The following NUCB2 variants were observed in gnomAD, a reference collection of about 807,000 sequenced individuals.
The protein encoded by NUCB2 is nucleobindin-2.
In NUCB2, 48 loss-of-function variants were observed where a neutral mutation model predicts 57.9. The observed-to-expected ratio is 0.83, with a 90% CI of 0.66 to 1.05. The LOEUF is 1.05. Ranked by LOEUF, NUCB2 falls within the 50% of genes least tolerant of loss-of-function variation. The pLI is 0.00. For synonymous variants in NUCB2, 139 were observed against 152.1 expected (o/e 0.91, Z 0.64); for missense variants, 442 against 476.2 (o/e 0.93, Z 0.67).
chr11:17,310,477 A>G (rs899729734), intron 6 of NUCB2, among the ~76,000 whole-genome samples: 1 of 152,090 alleles, frequency 6.6e-6, no homozygotes, highest in African/African-American at 2.4e-5. Context: ...TCTGTACTTA[A>G]AATACAAATA....
At chr11:17,277,692 G>C (rs1438091294) in intron 1 of NUCB2, among the ~76,000 whole-genome samples, 1 of 152,168 alleles carries the variant, frequency 6.6e-6, no homozygotes, top group Admixed American at 6.5e-5. Context: ...ATCCGTGGAC[G>C]AATATGAACA....
chr11:17,324,794 A>G (rs1318880790), intron 11 of NUCB2, among the ~76,000 whole-genome samples: 1 of 148,178 alleles, frequency 6.7e-6, no homozygotes, highest in Non-Finnish European at 1.5e-5. Flanking sequence ...TTATTTATTT[A>G]TTTATTTATT....
intron 2 of NUCB2, chr11:17,291,273 A>T (rs531857575): frequency 6.6e-6 from 1 of 152,356 alleles, no homozygotes; most frequent in Non-Finnish European, 1.5e-5. Flanking sequence ...TTGGCCGGGC[A>T]CGGTGGCTCA....
At chr11:17,335,045 T>C (rs1285586200), downstream of NUCB2, among the ~76,000 whole-genome samples, 1 of 152,070 alleles carries the variant, frequency 6.6e-6, no homozygotes, top group African/African-American at 2.4e-5. Context: ...AATATAGCAG[T>C]TTAGAAAAGT....
chr11:17,339,763 T>G (rs1173320712), intron 2 of NUCB2, among the ~76,000 whole-genome samples: 1 of 152,066 alleles, frequency 6.6e-6, no homozygotes, highest in African/African-American at 2.4e-5. Flanking sequence ...TGTTGGACAT[T>G]TGGGTTGGTT....
downstream of NUCB2, among the ~76,000 whole-genome samples, chr11:17,336,963 T>A (rs1951866990): frequency 6.6e-6 from 1 of 151,834 alleles, no homozygotes; most frequent in Admixed American, 6.6e-5. Flanking sequence ...CTTTTAGAGA[T>A]GGGGTCTCTC....
Position 17,296,267 on chromosome 11 carries a change from G to A in NUCB2, c.252+56G>A. 4 of 1,095,050 alleles carry A rather than the reference G, an allele frequency of 3.7e-6. No individual in the cohort carries two copies. The South Asian group carries it at 6.4e-5, about 18-fold the overall frequency. The allele number at this position is 1,095,050 out of a possible 1,614,324, so 67.8% of individuals were successfully genotyped here. A position where few individuals can be genotyped will look rare whatever the true frequency, so the allele number is the denominator to read the frequency against. On this transcript the variant is annotated intron_variant, in intron 4 of 13. Transcript: ENST00000529010. ...TGTATCTTAATTTAAAATTTTTTTAGAGATGAGGTCTCACCATATAACCCA... is the reference window on the plus strand; with the variant it reads ...TGTATCTTAATTTAAAATTTTTTTAAAGATGAGGTCTCACCATATAACCCA...
Position 17,302,431 on chromosome 11 carries a change from ATAATAT to A in NUCB2, c.379+565_379+570del, listed in dbSNP as rs1199303151. 8.5e-5 allele frequency among the ~76,000 whole-genome samples: 13 copies of A among 152,316 alleles called. No individual in the cohort carries two copies. In the East Asian group the frequency reaches 9.6e-4, roughly 11 times the overall value. ...AAACAACTGGTTTAAAGAAGGAAAAATAATATTAAAGGAAACCAAAAGGAAGCAGAG... is the reference window on the plus strand; with the variant it reads ...AAACAACTGGTTTAAAGAAGGAAAAATAAAGGAAACCAAAAGGAAGCAGAG... On this transcript the variant is annotated intron_variant, in intron 5 of 13. Transcript: ENST00000529010.
rs1951295085 is a variant in NUCB2, at chr11:17,330,771, A to T, written c.1174-131A>T. The T allele has an allele frequency of 2.8e-6, 2 of 701,992 alleles. No homozygotes were observed. The highest frequency in any genetic ancestry group is 5.5e-5 in the East Asian group (2 of 36,214). 43.5% of individuals were successfully genotyped at this position (701,992 alleles called of 1,614,324 possible). The stretch of plus-strand genomic sequence containing the variant: ...GGCGTGAGCCACTGCACCTAGTCAA[A>T]TCTAAATCTTATAGTTTGAATATCT... On this transcript the variant is annotated intron_variant, in intron 12 of 13. Coordinates refer to ENST00000529010, the MANE Select transcript of NUCB2 (RefSeq NM_005013.4). The surrounding 1 kb of genome is among the most constrained non-coding windows in gnomAD (Gnocchi z 4.3).
At chr11:17,289,452 A>G (rs932781816) in intron 2 of NUCB2, among the ~76,000 whole-genome samples, 1 of 152,202 alleles carries the variant, frequency 6.6e-6, no homozygotes, top group Non-Finnish European at 1.5e-5. Flanking sequence ...TTCATGAATC[A>G]CACCAACTTG....
intron 11 of NUCB2, among the ~76,000 whole-genome samples, chr11:17,321,351 T>C (rs1949993819): frequency 6.6e-6 from 1 of 152,180 alleles, no homozygotes; most frequent in African/African-American, 2.4e-5. Context: ...GAACATGTGA[T>C]ATTTGTCTTT....
intron 5 of NUCB2, among the ~76,000 whole-genome samples, chr11:17,306,490 A>G (rs1308820137): frequency 2.6e-5 from 4 of 152,252 alleles, no homozygotes; most frequent in Non-Finnish European, 5.9e-5. Context: ...GTAGTCAGGC[A>G]TGCAAGGTAA....
chr11:17,279,639 C>T (rs1942116484), intron 1 of NUCB2, among the ~76,000 whole-genome samples: 1 of 152,068 alleles, frequency 6.6e-6, no homozygotes, highest in African/African-American at 2.4e-5. Context: ...ATTGAAACTG[C>T]AGAAAGTGAA....
chr11:17,309,115 A>T (rs1314434441), intron 5 of NUCB2, among the ~76,000 whole-genome samples: 1 of 152,092 alleles, frequency 6.6e-6, no homozygotes, highest in African/African-American at 2.4e-5. Context: ...GAAATTCAAG[A>T]CCAGCCTGGG....
At chr11:17,342,559 T>G (rs10766388) in intron 2 of NUCB2, among the ~76,000 whole-genome samples, 35,092 of 149,794 alleles carry the variant, frequency 0.23, 4,659 homozygotes, top group East Asian at 0.5. Context: ...TCTGCCTTCA[T>G]TTCGTTATGT....
At position 17,288,882 on chromosome 11, in the gene NUCB2, T is replaced by TACACACACACACACACACACAC. The variant is rs1167995024; in HGVS notation, c.-1+5987_-1+6008dup. On this transcript the variant is annotated intron_variant, in intron 2 of 13. Coordinates refer to ENST00000529010, the MANE Select transcript of NUCB2 (RefSeq NM_005013.4). ...TAAAGTCTATTTAATAACATGTATA[T>TACACACACACACACACACACAC]ACACACACACACACACACACACACA... 9.2e-4 allele frequency among the ~76,000 whole-genome samples: 41 copies of TACACACACACACACACACACAC among 44,654 alleles called. 1 individual carries two copies. The highest frequency in any genetic ancestry group is 1.2e-3 in the Non-Finnish European group (30 of 24,896). The allele number at this position is 44,654 out of a possible 152,430, so 29.3% of individuals were successfully genotyped here. A position where few individuals can be genotyped will look rare whatever the true frequency, so the allele number is the denominator to read the frequency against.
At chr11:17,282,079 G>C (rs1942690477) in intron 1 of NUCB2, among the ~76,000 whole-genome samples, 1 of 151,438 alleles carries the variant, frequency 6.6e-6, no homozygotes, top group African/African-American at 2.4e-5. Context: ...AACAGGAAAA[G>C]TTGCCCTATA....
chr11:17,278,615 A>G (rs1158341585), intron 1 of NUCB2: 2 of 152,200 alleles, frequency 1.3e-5, no homozygotes, highest in African/African-American at 2.4e-5. Context: ...CGCTCTGTGA[A>G]TAACAGTTGA....
At chr11:17,334,720 T>C (rs1041298181), downstream of NUCB2, among the ~76,000 whole-genome samples, 8 of 152,226 alleles carry the variant, frequency 5.3e-5, no homozygotes, top group South Asian at 1.5e-3. Context: ...ACCCCATCTC[T>C]ACTAAAAATA....
Sources: allele counts gnomAD v4.1 joint callset (sites outside exome capture counted in the v4.1 genomes callset), GRCh38; gene constraint gnomAD v4.1.1; non-coding constraint Gnocchi (gnomAD v3.1); transcripts MANE v1.5; gene names NCBI Gene and HGNC (gene_info 2026-07-23, HGNC 2026-07-21).